Variants in ROBO2 observed in about 807,000 individuals in gnomAD.
ROBO2 encodes the protein roundabout guidance receptor 2, also known as roundabout homolog 2.
A neutral mutation model predicts 160.8 loss-of-function variants in ROBO2; 53 were observed. The observed-to-expected ratio is 0.33, with a 90% CI of 0.26 to 0.41. The LOEUF (loss-of-function observed/expected upper bound fraction) is 0.41. ROBO2 is among the 10% of genes least tolerant of loss of function. The probability of loss-of-function intolerance (pLI) is 1.00; values close to 1 mark genes in which losing one functional copy is unlikely to be tolerated. For missense variants in ROBO2, 1,577 were observed against 1,722.4 expected, an observed-to-expected ratio of 0.92 and a Z score of 1.49; for synonymous variants, 664 against 611.7, an observed-to-expected ratio of 1.09 and a Z score of -1.26.
At position 76,760,603 on chromosome 3, in the gene ROBO2, A is replaced by G. The variant is rs73844041; in HGVS notation, c.110-337411A>G. 2.1e-3 allele frequency among the ~76,000 whole-genome samples: 315 copies of G among 151,766 alleles called. 2 individuals are homozygous for G. Among genetic ancestry groups the G allele is most frequent in the African/African-American group, 7.1e-3 (295 of 41,474 alleles). The stretch of plus-strand genomic sequence containing the variant: ...CTCCTCTGATTAAAAATTCCTTCAT[A>G]TTCAACTACTAACCTTTTGCTCTTA... On this transcript the variant is annotated intron_variant, in intron 2 of 26. Coordinates refer to the ROBO2 transcript ENST00000487694.
intron 5 of ROBO2, among the ~76,000 whole-genome samples, chr3:77,513,301 G>T (rs2089630958): frequency 6.6e-6 from 1 of 151,756 alleles, no homozygotes; most frequent in African/African-American, 2.4e-5. Flanking sequence ...TCCTACCCTT[G>T]AGGCTTAATG....
At position 77,634,857 on chromosome 3, in the gene ROBO2, AT is replaced by A. The variant is rs774502331; in HGVS notation, c.3761-9del. 1.9e-6 allele frequency: 3 copies of A among 1,613,458 alleles called. No homozygotes were observed. The South Asian group carries it at 3.3e-5, about 18-fold the overall frequency. ...TCATTCTCTAGAACCCATTCCCTTT[AT>A]TTTCATTTTAGGAAAAGCCTTTACC... On this transcript the variant is annotated splice_polypyrimidine_tract_variant and intron_variant, in intron 23 of 25. Transcript: ENST00000461745.
At position 76,763,152 on chromosome 3, in the gene ROBO2, A is replaced by G. The variant is rs577190542; in HGVS notation, c.110-334862A>G. The stretch of plus-strand genomic sequence containing the variant: ...AAAATACTATCTTTAATGCGTGAAC[A>G]TTCTTAACATCAATCACGCACTAAA... On this transcript the variant is annotated intron_variant, in intron 2 of 26. Transcript: ENST00000487694. Among the ~76,000 whole-genome samples, 511 of 147,534 alleles carry G rather than the reference A, an allele frequency of 3.5e-3. 3 individuals carry two copies. The highest frequency in any genetic ancestry group is 0.016 in the South Asian group (71 of 4,536).
chr3:76,899,427 G>A (rs2075063139), intron 2 of ROBO2, among the ~76,000 whole-genome samples: 1 of 152,084 alleles, frequency 6.6e-6, no homozygotes, highest in Non-Finnish European at 1.5e-5. Context: ...CTCCTGCTTA[G>A]GGTCCGAAAG....
chr3:75,948,918 G>T (rs1948431752), intron 2 of ROBO2, among the ~76,000 whole-genome samples: 1 of 151,988 alleles, frequency 6.6e-6, no homozygotes, highest in Non-Finnish European at 1.5e-5. Context: ...CATCTGTTAG[G>T]ACATTTATTT....
At chr3:76,070,815 A>G (rs1013672271) in intron 2 of ROBO2, among the ~76,000 whole-genome samples, 1 of 152,136 alleles carries the variant, frequency 6.6e-6, no homozygotes, top group Non-Finnish European at 1.5e-5. Flanking sequence ...CACTTAGGGA[A>G]AATAGAAAAG....
In ROBO2 at chr3:76,256,662, G is replaced by C. The variant is rs903057770; in HGVS notation, c.109+319060G>C. Among the ~76,000 whole-genome samples the C allele has an allele frequency of 9.9e-5, 15 of 152,170 alleles. No homozygotes were observed. In the East Asian group the frequency reaches 1.2e-3, roughly 12 times the overall value. ...GGATGCTGAGGCTGCAGTGAACCATGATCATGCCACTGTACTCCAGGTTGG... is the reference window on the plus strand; with the variant it reads ...GGATGCTGAGGCTGCAGTGAACCATCATCATGCCACTGTACTCCAGGTTGG... On this transcript the variant is annotated intron_variant, in intron 2 of 26. Transcript: ENST00000487694.
rs1354772994 is a variant in ROBO2, at chr3:76,622,262, GAAAGAAAGAAAGAA to G, written c.110-475750_110-475737del. Among the ~76,000 whole-genome samples, 71 of 69,282 alleles carry G rather than the reference GAAAGAAAGAAAGAA, an allele frequency of 1.0e-3. 12 individuals are homozygous for G. Among genetic ancestry groups the G allele is most frequent in the Non-Finnish European group, 1.6e-3 (53 of 33,170 alleles). 45.5% of individuals were successfully genotyped at this position (69,282 alleles called of 152,430 possible). The stretch of plus-strand genomic sequence containing the variant: ...AGAAAGAAAGAAAGAAAGAAAGAAA[GAAAGAAAGAAAGAA>G]AGAAAGAAAGAAAGAAAGAAAGAAA... On this transcript the variant is annotated intron_variant, in intron 2 of 26. Coordinates refer to the ROBO2 transcript ENST00000487694.
intron 2 of ROBO2, among the ~76,000 whole-genome samples, chr3:76,491,163 T>G (rs549846905): frequency 4.1e-4 from 62 of 152,214 alleles, no homozygotes; most frequent in African/African-American, 1.4e-3. Flanking sequence ...TTTCACCATG[T>G]TGGCCAGGCT....
intron 2 of ROBO2, among the ~76,000 whole-genome samples, chr3:77,340,104 C>T (rs1484765667): frequency 1.3e-5 from 2 of 152,062 alleles, no homozygotes; most frequent in Non-Finnish European, 2.9e-5. Context: ...GTCCTATGTT[C>T]TTTGCTATCA....
At chr3:76,290,635 C>A (rs903228269) in intron 2 of ROBO2, among the ~76,000 whole-genome samples, 1 of 152,080 alleles carries the variant, frequency 6.6e-6, no homozygotes, top group Non-Finnish European at 1.5e-5. Flanking sequence ...GTCATCTGTT[C>A]AGCATCATGT....
At chr3:76,422,427 G>A (rs2076033457) in intron 2 of ROBO2, among the ~76,000 whole-genome samples, 1 of 152,138 alleles carries the variant, frequency 6.6e-6, no homozygotes, top group East Asian at 1.9e-4. Context: ...TTGAACAGGT[G>A]GGCCTGGGCC....
At chr3:77,299,144 C>T (rs2062424263) in intron 2 of ROBO2, among the ~76,000 whole-genome samples, 1 of 152,106 alleles carries the variant, frequency 6.6e-6, no homozygotes, top group South Asian at 2.1e-4. Flanking sequence ...TGCTTTTTAA[C>T]AGGATGTGAA....
intron 1 of ROBO2, among the ~76,000 whole-genome samples, chr3:77,046,325 GT>G (rs1025432350): frequency 1.3e-5 from 2 of 152,194 alleles, no homozygotes; most frequent in African/African-American, 4.8e-5. Context: ...ATACTAATCT[GT>G]CTCAAATCCC....
intron 2 of ROBO2, among the ~76,000 whole-genome samples, chr3:76,617,487 T>C (rs970316834): frequency 6.6e-6 from 1 of 152,216 alleles, no homozygotes; most frequent in African/African-American, 2.4e-5. Flanking sequence ...TTGTTACTGT[T>C]ACAATGGTAT....
At chr3:77,277,176 C>CTTTCTTTA (rs1439714929) in intron 2 of ROBO2, among the ~76,000 whole-genome samples, 1 of 101,582 alleles carries the variant, frequency 9.8e-6, no homozygotes, top group Non-Finnish European at 2.0e-5. Context: ...TTCTTTCTTT[C>CTTTCTTTA]TTTCTTTCTT....
At position 76,051,465 on chromosome 3, in the gene ROBO2, T is replaced by G. The variant is rs553812276; in HGVS notation, c.109+113863T>G. On this transcript the variant is annotated intron_variant, in intron 2 of 26. Transcript: ENST00000487694. ...AATGTTTGCAAAAATTACTTTTAAG[T>G]ATATTAATCATGGTTTCTGACAGGT... 1.0e-3 allele frequency among the ~76,000 whole-genome samples: 159 copies of G among 152,304 alleles called. 1 individual carries two copies. The South Asian group carries it at 0.012, about 12-fold the overall frequency.
At chr3:76,486,572 A>G (rs1387769295) in intron 2 of ROBO2, among the ~76,000 whole-genome samples, 4 of 152,204 alleles carry the variant, frequency 2.6e-5, no homozygotes, top group African/African-American at 9.6e-5. Context: ...TGGTTATCTG[A>G]TAATGAAAAC....
Position 76,275,919 on chromosome 3 carries a change from C to T in ROBO2, c.109+338317C>T, listed in dbSNP as rs139130472. Among the ~76,000 whole-genome samples, 125 of 151,912 alleles carry T rather than the reference C, an allele frequency of 8.2e-4. 1 individual carries two copies. The highest frequency in any genetic ancestry group is 2.7e-3 in the South Asian group (13 of 4,794). On this transcript the variant is annotated intron_variant, in intron 2 of 26. Coordinates refer to the ROBO2 transcript ENST00000487694. ...TAAAATGTAAAGACAAAAAAGAACTCGGAGGGGGGGAGCACTTTTAAAAAT... is the reference window on the plus strand; with the variant it reads ...TAAAATGTAAAGACAAAAAAGAACTTGGAGGGGGGGAGCACTTTTAAAAAT...
Sources: gnomAD v4.1 joint callset for allele counts (sites outside exome capture counted in the v4.1 genomes callset) on GRCh38, gnomAD v4.1.1 for gene constraint, MANE v1.5 for transcripts, NCBI Gene and HGNC (gene_info 2026-07-23, HGNC 2026-07-21) for gene names.